INPP4A: variants seen among roughly 807,000 people sequenced by gnomAD.
The protein encoded by INPP4A is inositol polyphosphate-4-phosphatase, type I, 107kD.
Under a neutral mutation model 119.8 loss-of-function variants are expected in INPP4A, and 33 were observed. The ratio of observed to expected loss-of-function variants is 0.28; its 90% confidence interval spans 0.21 to 0.37. The LOEUF (loss-of-function observed/expected upper bound fraction) is 0.37, where lower values mean the gene tolerates loss of function less well. INPP4A is among the 10% of genes least tolerant of loss of function. The probability of loss-of-function intolerance (pLI) is 1.00; values close to 1 mark genes in which losing one functional copy is unlikely to be tolerated. For missense variants in INPP4A, 956 were observed against 1,289.9 expected, an observed-to-expected ratio of 0.74 and a Z score of 3.97; for synonymous variants, 496 against 500.7, an observed-to-expected ratio of 0.99 and a Z score of 0.12.
At chr2:98,454,852 T>C (rs538587688) in intron 1 of INPP4A, among the ~76,000 whole-genome samples, 1 of 152,248 alleles carries the variant, frequency 6.6e-6, no homozygotes, top group South Asian at 2.1e-4. Context: ...TGACACTGTT[T>C]TTTTAAAGAA....
At chr2:98,448,729 A>T (rs1248252252) in intron 1 of INPP4A, among the ~76,000 whole-genome samples, 4 of 98,668 alleles carry the variant, frequency 4.1e-5, no homozygotes, top group African/African-American at 1.1e-4. Flanking sequence ...TTTTTTTTTT[A>T]AAGAGACAAG....
intron 16 of INPP4A, among the ~76,000 whole-genome samples, chr2:98,557,933 T>C (rs1327267107): frequency 1.3e-5 from 2 of 151,416 alleles, no homozygotes; most frequent in Non-Finnish European, 2.9e-5. Flanking sequence ...CTGTACACTC[T>C]GTTGCTCTCC....
At chr2:98,471,821 G>C (rs913261644) in intron 1 of INPP4A, among the ~76,000 whole-genome samples, 5 of 152,230 alleles carry the variant, frequency 3.3e-5, no homozygotes, top group Admixed American at 3.3e-4. Context: ...GCACCGTGGA[G>C]TTCGGGACTG....
chr2:98,539,535 T>C lies in INPP4A; in HGVS notation c.678T>C (p.Gly226=), dbSNP rs35028575. ...CTTGTCATCCCACCTCAGTGTTCGG[T>C]GGTGCCATCTGCCGCATGTACCGGT... The part of the protein sequence containing the change: ...RKDTLLKSVF[G]GAICRMYRFP... Residue 226 remains glycine (G), a synonymous_variant, in exon 10 of 25, where the codon GGT becomes GGC. Transcript: ENST00000409851. The C allele has an allele frequency of 4.2e-3, 6,710 of 1,608,186 alleles. 247 individuals are homozygous for C. The African/African-American group carries it at 0.077, about 18-fold the overall frequency.
intron 1 of INPP4A, among the ~76,000 whole-genome samples, chr2:98,472,183 G>C (rs1220979338): frequency 6.6e-6 from 1 of 152,218 alleles, no homozygotes; most frequent in African/African-American, 2.4e-5. Context: ...AGACCTACAG[G>C]GGCCAAGGAG....
chr2:98,567,137 G>A (rs188090087), intron 21 of INPP4A, among the ~76,000 whole-genome samples: 1,905 of 152,302 alleles, frequency 0.013, 161 homozygotes, highest in Admixed American at 0.11. Flanking sequence ...CACGTGCCGG[G>A]AGGAGATGAA....
At chr2:98,487,953 G>T (rs545050219) in intron 1 of INPP4A, among the ~76,000 whole-genome samples, 1 of 152,130 alleles carries the variant, frequency 6.6e-6, no homozygotes, top group African/African-American at 2.4e-5. Context: ...GCAGTGTTAC[G>T]TGCCCAGGGT....
intron 16 of INPP4A, among the ~76,000 whole-genome samples, chr2:98,559,102 C>T (rs1694998981): frequency 1.3e-5 from 2 of 152,224 alleles, no homozygotes; most frequent in African/African-American, 2.4e-5. Flanking sequence ...CAAGCCAACG[C>T]GGGGCTCTGC....
intron 24 of INPP4A, among the ~76,000 whole-genome samples, chr2:98,586,863 C>T (rs1700010013): frequency 6.6e-6 from 1 of 152,208 alleles, no homozygotes; most frequent in African/African-American, 2.4e-5. Flanking sequence ...CATAACATTC[C>T]AGCCCTGATT....
At chr2:98,553,546 C>T (rs1056828208) in intron 14 of INPP4A, among the ~76,000 whole-genome samples, 9 of 150,776 alleles carry the variant, frequency 6.0e-5, no homozygotes, top group African/African-American at 2.0e-4. Context: ...CGCACACAAA[C>T]ACGCTCTCAT....
At chr2:98,582,944 C>T (rs1242537025) in intron 24 of INPP4A, among the ~76,000 whole-genome samples, 1 of 151,778 alleles carries the variant, frequency 6.6e-6, no homozygotes, top group Non-Finnish European at 1.5e-5. Flanking sequence ...AGATAACCTC[C>T]TGCATACGCC....
At chr2:98,520,924 G>A (rs1001852253) in intron 4 of INPP4A, 193 bp downstream of exon 4, 1 of 504,490 alleles carries the variant, frequency 2.0e-6, no homozygotes, top group Non-Finnish European at 3.5e-6. Flanking sequence ...TGGAGCCTCC[G>A]TGCCCACAGG....
chr2:98,572,444 T>C (rs547426265), intron 22 of INPP4A, among the ~76,000 whole-genome samples: 87 of 152,274 alleles, frequency 5.7e-4, no homozygotes, highest in African/African-American at 2.0e-3. Flanking sequence ...TGCCCCAGTT[T>C]CTTCTACCCT....
chr2:98,451,894 T>C (rs938405565), intron 1 of INPP4A, among the ~76,000 whole-genome samples: 1 of 152,166 alleles, frequency 6.6e-6, no homozygotes, highest in African/African-American at 2.4e-5. Flanking sequence ...AGCTTCTCCC[T>C]GGATTATGGG....
intron 4 of INPP4A, among the ~76,000 whole-genome samples, chr2:98,528,603 A>G (rs985265535): frequency 3.3e-5 from 5 of 152,252 alleles, no homozygotes; most frequent in African/African-American, 1.2e-4. Flanking sequence ...CACACTTGAT[A>G]CATCATACTC....
intron 9 of INPP4A, 42 bp downstream of exon 9, chr2:98,539,023 G>A (rs1169372964): frequency 8.1e-7 from 1 of 1,236,126 alleles, no homozygotes; most frequent in Non-Finnish European, 1.2e-6. Context: ...TCTCTAGTGA[G>A]TATCCACTTG....
At chr2:98,532,663 A>G (rs1376216824) in intron 4 of INPP4A, among the ~76,000 whole-genome samples, 1 of 152,192 alleles carries the variant, frequency 6.6e-6, no homozygotes, top group Non-Finnish European at 1.5e-5. Context: ...TGTACTAAAT[A>G]TTATAGGCAA....
At chr2:98,572,495 C>T (rs768451545) in intron 22 of INPP4A, among the ~76,000 whole-genome samples, 1 of 152,244 alleles carries the variant, frequency 6.6e-6, no homozygotes, top group Non-Finnish European at 1.5e-5. Context: ...CTCACTCCCT[C>T]CTAACTCCCT....
intron 3 of INPP4A, 39 bp from the exon 4 acceptor site, chr2:98,520,648 T>C (rs2105741634): frequency 7.5e-7 from 1 of 1,330,466 alleles, no homozygotes; most frequent in Non-Finnish European, 1.0e-6. Flanking sequence ...GAGAAAAGTT[T>C]ATTAAGGATG....
Sources: allele counts gnomAD v4.1 joint callset (sites outside exome capture counted in the v4.1 genomes callset), GRCh38; gene constraint gnomAD v4.1.1; transcripts MANE v1.5; gene names NCBI Gene and HGNC (gene_info 2026-07-23, HGNC 2026-07-21).